Variants in CLASP2 observed in about 807,000 individuals in gnomAD.
CLASP2 encodes the protein cytoplasmic linker associated protein 2, also known as CLIP-associating protein 2.
Under a neutral mutation model 194.4 loss-of-function variants are expected in CLASP2, and 47 were observed. That is an observed-to-expected ratio of 0.24 (90% CI 0.19 to 0.31). CLASP2 has a LOEUF of 0.31. Among genes scored for constraint, CLASP2 ranks in the 10% least tolerant of loss-of-function variants. The pLI, the probability that CLASP2 is intolerant of heterozygous loss-of-function variation, is 1.00. For synonymous variants in CLASP2, 619 were observed against 633.5 expected (o/e 0.98, Z 0.34); for missense variants, 1,445 against 1,823.6 (o/e 0.79, Z 3.78).
chr3:33,686,975 T>C, intron 5 of CLASP2, 85 bp downstream of exon 5: 1 of 756,508 alleles, frequency 1.3e-6, no homozygotes, highest in Non-Finnish European at 2.1e-6. Context: ...CCCTCTCTCT[T>C]CTTTTTTAAA....
intron 24 of CLASP2, chr3:33,574,566 A>G: frequency 1.1e-6 from 1 of 880,530 alleles, no homozygotes; most frequent in South Asian, 1.6e-5. Flanking sequence ...CAGCACAGTG[A>G]AATAGGCATT....
At chr3:33,659,217 AG>A (rs1575366249) in intron 7 of CLASP2, 1 of 1,317,840 alleles carries the variant, frequency 7.6e-7, no homozygotes, top group African/African-American at 1.5e-5. Flanking sequence ...AGCACAGCCT[AG>A]AAGGACTTGA....
intron 7 of CLASP2, among the ~76,000 whole-genome samples, chr3:33,657,664 G>A (rs899567668): frequency 6.6e-6 from 1 of 151,228 alleles, no homozygotes; most frequent in African/African-American, 2.4e-5. Flanking sequence ...TCCTGCTTTT[G>A]TCTTAAAAAT....
At chr3:33,554,406 T>C (rs1381628829) in intron 29 of CLASP2, among the ~76,000 whole-genome samples, 6 of 152,034 alleles carry the variant, frequency 3.9e-5, no homozygotes, top group East Asian at 1.9e-4. Context: ...AAGCCAGACA[T>C]AGAAAGACAA....
At position 33,526,231 on chromosome 3, in the gene CLASP2, C is replaced by A. The variant is rs149630196; in HGVS notation, c.3787+9002G>T. 1.9e-3 allele frequency among the ~76,000 whole-genome samples: 290 copies of A among 152,112 alleles called. 3 individuals are homozygous for A. The highest frequency in any genetic ancestry group is 1.6e-3 in the Non-Finnish European group (109 of 68,008). ...CAAGTGATCTGCCCTGCCTTGACCT[C>A]CCAAAGTGCTCAGATGTCATAATAC... On this transcript the variant is annotated intron_variant, in intron 34 of 38. Transcript: ENST00000682230.
At position 33,609,754 on chromosome 3, in the gene CLASP2, C is replaced by T. The variant is rs576594496; in HGVS notation, c.1389-1128G>A. ...CTCCAGCATTGATGTATCACTTCAGCTGTCAAAGTTCCAACTGGTTTATGG... is the reference window on the plus strand; with the variant it reads ...CTCCAGCATTGATGTATCACTTCAGTTGTCAAAGTTCCAACTGGTTTATGG... On this transcript the variant is annotated intron_variant, in intron 13 of 38. Coordinates refer to ENST00000682230, the MANE Select transcript of CLASP2 (RefSeq NM_001365631.1). 3.9e-4 allele frequency among the ~76,000 whole-genome samples: 60 copies of T among 152,312 alleles called. No homozygotes were observed. The South Asian group carries it at 0.012, about 30-fold the overall frequency.
chr3:33,613,431 AATAATC>A (rs2075558395), intron 12 of CLASP2, among the ~76,000 whole-genome samples: 1 of 152,210 alleles, frequency 6.6e-6, no homozygotes, highest in African/African-American at 2.4e-5. Context: ...CTCTAGCTGA[AATAATC>A]CTTTAAGACA....
intron 6 of CLASP2, among the ~76,000 whole-genome samples, chr3:33,668,922 G>A (rs2086660338): frequency 6.6e-6 from 1 of 152,172 alleles, no homozygotes; most frequent in South Asian, 2.1e-4. Flanking sequence ...AGAATGGCTA[G>A]GGGTAATAAG....
chr3:33,708,075 G>C (rs1342331855), intron 1 of CLASP2, among the ~76,000 whole-genome samples: 1 of 152,020 alleles, frequency 6.6e-6, no homozygotes, highest in African/African-American at 2.4e-5. Flanking sequence ...TCTGTTTTGT[G>C]GTGAGAACGT....
intron 1 of CLASP2, among the ~76,000 whole-genome samples, chr3:33,713,894 A>G (rs2093160597): frequency 6.6e-6 from 1 of 152,214 alleles, no homozygotes; most frequent in South Asian, 2.1e-4. Context: ...ACTAATCCTC[A>G]TAATATACAA....
At chr3:33,616,788 A>AGT (rs1306113056) in intron 12 of CLASP2, among the ~76,000 whole-genome samples, 1 of 121,914 alleles carries the variant, frequency 8.2e-6, no homozygotes, top group Admixed American at 1.1e-4. Flanking sequence ...CCCAGGCTGG[A>AGT]GTGCAGTGGC....
chr3:33,660,160 C>T (rs751190860), intron 7 of CLASP2, among the ~76,000 whole-genome samples: 6 of 152,214 alleles, frequency 3.9e-5, no homozygotes, highest in African/African-American at 1.4e-4. Flanking sequence ...GCCACCAACA[C>T]TGTTAGTGTT....
chr3:33,547,745 C>T (rs907475068), intron 30 of CLASP2, among the ~76,000 whole-genome samples: 5 of 151,350 alleles, frequency 3.3e-5, no homozygotes, highest in African/African-American at 7.3e-5. Flanking sequence ...CCACCAGTGA[C>T]GCCATCTGAG....
chr3:33,684,163 T>C (rs1163471249), intron 6 of CLASP2, among the ~76,000 whole-genome samples, 196 bp downstream of exon 6: 1 of 151,784 alleles, frequency 6.6e-6, no homozygotes. Flanking sequence ...AAGAATCACT[T>C]GAACCCAGGA....
At chr3:33,516,671 A>AAAATAAATAAAT (rs34773367) in intron 35 of CLASP2, among the ~76,000 whole-genome samples, 110 of 151,538 alleles carry the variant, frequency 7.3e-4, no homozygotes, top group Non-Finnish European at 1.1e-3. Context: ...ATTATTCCTC[A>AAAATAAATAAAT]AAATAAATAA....
At chr3:33,702,117 G>A (rs888912640) in intron 1 of CLASP2, among the ~76,000 whole-genome samples, 2 of 152,218 alleles carry the variant, frequency 1.3e-5, no homozygotes, top group Middle Eastern at 3.4e-3. Context: ...TGGGTTCACT[G>A]TAGAGTTTAA....
In CLASP2 at chr3:33,687,551, A is replaced by G. The variant is rs557051564; in HGVS notation, c.471-416T>C. On this transcript the variant is annotated intron_variant, in intron 4 of 38. Transcript: ENST00000682230. ...ATTAAAAGATCTTTATGCTTATGGC[A>G]GGAGAGCCAAAACCCAGCACAAAGA... is the stretch of plus-strand genomic sequence containing the variant. Among the ~76,000 whole-genome samples, 572 of 152,368 alleles carry G rather than the reference A, an allele frequency of 3.8e-3. 5 individuals are homozygous for G. The highest frequency in any genetic ancestry group is 5.7e-3 in the Non-Finnish European group (390 of 68,030).
chr3:33,564,576 T>C (rs1021835081), intron 27 of CLASP2, among the ~76,000 whole-genome samples: 7 of 152,082 alleles, frequency 4.6e-5, no homozygotes, highest in Admixed American at 3.9e-4. Context: ...ACATAAGAAA[T>C]TGTACTATTT....
Position 33,605,462 on chromosome 3 carries a change from C to T in CLASP2, c.1694+1129G>A, listed in dbSNP as rs567366720. ...TTTTACTCTGAAAACCTATAAGCAA[C>T]TGAACTTTAGTACAGTATTTGAATG... On this transcript the variant is annotated intron_variant, in intron 16 of 38. Coordinates refer to ENST00000682230, the MANE Select transcript of CLASP2 (RefSeq NM_001365631.1). 2.6e-5 allele frequency among the ~76,000 whole-genome samples: 4 copies of T among 152,286 alleles called. No individual in the cohort carries two copies. The South Asian group carries it at 8.3e-4, about 32-fold the overall frequency.
Sources: gnomAD v4.1 joint callset for allele counts (sites outside exome capture counted in the v4.1 genomes callset) on GRCh38, gnomAD v4.1.1 for gene constraint, MANE v1.5 for transcripts, NCBI Gene and HGNC (gene_info 2026-07-23, HGNC 2026-07-21) for gene names.